Variants in AAK1 observed in about 807,000 individuals in gnomAD.
AAK1 encodes the protein AP2 associated kinase 1.
In AAK1, 37 loss-of-function variants were observed where a neutral mutation model predicts 116.0. That is an observed-to-expected ratio of 0.32 (90% CI 0.25 to 0.42). The LOEUF is 0.42. AAK1 is among the 10% of genes least tolerant of loss of function. The pLI, the probability that AAK1 is intolerant of heterozygous loss-of-function variation, is 1.00. For synonymous variants in AAK1, 458 were observed against 439.9 expected (o/e 1.04, Z -0.51); for missense variants, 919 against 1,170.6 (o/e 0.79, Z 3.14).
chr2:69,557,354 T>C (rs1558959694), intron 2 of AAK1, among the ~76,000 whole-genome samples: 1 of 151,412 alleles, frequency 6.6e-6, no homozygotes, highest in East Asian at 1.9e-4. Context: ...CAGACTGGCA[T>C]GAAGTGGCGT....
At chr2:69,548,531 T>G (rs1003966349) in intron 3 of AAK1, among the ~76,000 whole-genome samples, 4 of 151,224 alleles carry the variant, frequency 2.6e-5, no homozygotes, top group African/African-American at 9.7e-5. Context: ...TCCTTCTTTC[T>G]CTCTCTCTTC....
intron 5 of AAK1, among the ~76,000 whole-genome samples, chr2:69,539,031 C>T (rs1670593836): frequency 6.6e-6 from 1 of 152,206 alleles, no homozygotes; most frequent in Admixed American, 6.5e-5. Context: ...GGGATGTGCG[C>T]CTAGAGATTG....
rs1223137105 is a variant in AAK1, at chr2:69,473,224, C to T, written c.*2645G>A. On this transcript the variant is annotated 3_prime_UTR_variant, in exon 22 of 22. Transcript: ENST00000409085. ...GGCCTGTCCTGCCCAGGCCTCTTCT[C>T]CCCCGACCCTGTTCAATCCAGCTCA... The T allele has an allele frequency of 5.7e-5, 51 of 901,712 alleles. No individual in the cohort carries two copies. The highest frequency in any genetic ancestry group is 6.8e-5 in the Non-Finnish European group (51 of 753,706). 55.9% of individuals were successfully genotyped at this position (901,712 alleles called of 1,614,324 possible).
chr2:69,568,560 G>T (rs1301624557), intron 2 of AAK1, among the ~76,000 whole-genome samples: 2 of 151,284 alleles, frequency 1.3e-5, no homozygotes, highest in Non-Finnish European at 2.9e-5. Flanking sequence ...CTTCCCAAGT[G>T]GCTGAGACTA....
chr2:69,587,314 T>C lies in AAK1; in HGVS notation c.164-30336A>G, dbSNP rs553170663. Among the ~76,000 whole-genome samples the C allele has an allele frequency of 4.7e-5, 7 of 150,090 alleles. No homozygotes were observed. The East Asian group carries it at 1.4e-3, about 30-fold the overall frequency. On this transcript the variant is annotated intron_variant, in intron 2 of 21. Coordinates refer to ENST00000409085, the MANE Select transcript of AAK1 (RefSeq NM_014911.5). ...ACACACGTATATACGCATGTATATA[T>C]ACGCACATATATACACATATGCGTG... is the stretch of plus-strand genomic sequence containing the variant.
rs1278380274 is a variant in AAK1, at chr2:69,471,222, G to C, written c.*4647C>G. 4 of 985,268 alleles carry C rather than the reference G, an allele frequency of 4.1e-6. No homozygotes were observed. In the East Asian group the frequency reaches 3.4e-4, roughly 84 times the overall value. The allele number at this position is 985,268 out of a possible 1,614,324, so 61.0% of individuals were successfully genotyped here. On this transcript the variant is annotated 3_prime_UTR_variant, in exon 22 of 22. Coordinates refer to ENST00000409085, the MANE Select transcript of AAK1 (RefSeq NM_014911.5). ...AACCAAGAACGTGTCTTTAATTCTAGCAACTACCACCATTTGGTAACTTCT... is the reference window on the plus strand; with the variant it reads ...AACCAAGAACGTGTCTTTAATTCTACCAACTACCACCATTTGGTAACTTCT...
intron 2 of AAK1, among the ~76,000 whole-genome samples, chr2:69,633,418 T>C (rs1675297412): frequency 6.6e-6 from 1 of 151,286 alleles, no homozygotes; most frequent in African/African-American, 2.4e-5. Context: ...CTGGTCAACA[T>C]GGTGAAACCC....
intron 12 of AAK1, 53 bp from the exon 13 acceptor site, chr2:69,514,802 A>C: frequency 6.7e-7 from 1 of 1,489,888 alleles, no homozygotes; most frequent in Non-Finnish European, 8.9e-7. Flanking sequence ...TAATAGTCAC[A>C]AAAGACAAAT....
intron 5 of AAK1, among the ~76,000 whole-genome samples, chr2:69,537,615 C>G (rs922348997): frequency 1.7e-4 from 26 of 152,314 alleles, no homozygotes; most frequent in Non-Finnish European, 3.4e-4. Context: ...ACTCTTTGGC[C>G]CTGACTACTG....
intron 2 of AAK1, among the ~76,000 whole-genome samples, chr2:69,629,312 GA>G (rs1164129352): frequency 2.6e-5 from 4 of 152,188 alleles, no homozygotes; most frequent in Admixed American, 6.5e-5. Flanking sequence ...GCTTAAAGAT[GA>G]ATTTCAGTAA....
chr2:69,637,151 TTC>T (rs1675484378), intron 2 of AAK1, among the ~76,000 whole-genome samples: 1 of 152,240 alleles, frequency 6.6e-6, no homozygotes, highest in Non-Finnish European at 1.5e-5. Context: ...GGCCATGTTA[TTC>T]TCTCTGCCTA....
At chr2:69,594,630 CAA>C (rs1673182557) in intron 2 of AAK1, 1 of 524,058 alleles carries the variant, frequency 1.9e-6, no homozygotes, top group Non-Finnish European at 3.4e-6. Context: ...CCTCTTGTAC[CAA>C]ACAGTTAGCC....
At chr2:69,575,464 ATTTT>A (rs947872572) in intron 2 of AAK1, among the ~76,000 whole-genome samples, 4 of 134,398 alleles carry the variant, frequency 3.0e-5, no homozygotes, top group African/African-American at 8.4e-5. Context: ...AGATAAACAA[ATTTT>A]TTTTTTTTTT....
intron 2 of AAK1, 109 bp from the exon 3 acceptor site, chr2:69,557,087 C>T: frequency 2.7e-6 from 2 of 743,380 alleles, no homozygotes; most frequent in Non-Finnish European, 4.7e-6. Context: ...ACTAATGCCA[C>T]TGCCAGCCAG....
chr2:69,622,253 T>G (rs1421633556), intron 2 of AAK1, among the ~76,000 whole-genome samples: 1 of 152,188 alleles, frequency 6.6e-6, no homozygotes, highest in Non-Finnish European at 1.5e-5. Context: ...TGGCCGGGCC[T>G]TAGCTGCCTC....
rs1288732136 is a variant in AAK1, at chr2:69,509,336, C to T, written c.1901G>A (p.Arg634His). Residue 634 changes from arginine to histidine, a missense_variant, in exon 14 of 22, where the codon CGT (arginine) becomes CAT (histidine). By Grantham distance (29) the Arg-to-His change is conservative. Transcript: ENST00000409085. Reference protein sequence around the residue: ...SPKTQRAGHRRILSDVTHSAV... With the variant: ...SPKTQRAGHRHILSDVTHSAV... ...ACTGTGGGTTACGTCACTGAGAATA[C>T]GCCTGTGCCCAGCACGTTGGGTTTT... 4 of 1,613,916 alleles carry T rather than the reference C, an allele frequency of 2.5e-6. No individual in the cohort carries two copies. The highest frequency in any genetic ancestry group is 1.7e-5 in the Admixed American group (1 of 60,026).
In AAK1 at chr2:69,472,611, G is replaced by C. The variant is rs560017185; in HGVS notation, c.*3258C>G. ...TGTCCACTTAAGCCTTATCTCCTCT[G>C]AGGTATGTATTTTTGAAAACATTGG... On this transcript the variant is annotated 3_prime_UTR_variant, in exon 22 of 22. Transcript: ENST00000409085. The C allele has an allele frequency of 5.4e-5, 53 of 985,122 alleles. 1 individual carries two copies. In the African/African-American group the frequency reaches 9.1e-4, roughly 17 times the overall value. 61.0% of individuals were successfully genotyped at this position (985,122 alleles called of 1,614,324 possible). A position where few individuals can be genotyped will look rare whatever the true frequency, so the allele number is the denominator to read the frequency against.
intron 5 of AAK1, among the ~76,000 whole-genome samples, chr2:69,541,225 TTC>T (rs1670704419): frequency 6.9e-6 from 1 of 145,926 alleles, no homozygotes; most frequent in East Asian, 1.9e-4. Flanking sequence ...AATTTTATAC[TTC>T]TTTTTTTTTT....
In AAK1 at chr2:69,467,942, A is replaced by G; in HGVS notation, c.*7927T>C. On this transcript the variant is annotated 3_prime_UTR_variant, in exon 22 of 22. Coordinates refer to ENST00000409085, the MANE Select transcript of AAK1 (RefSeq NM_014911.5). ...TTTTTAGCAGTGCTTCTTTTTAAAC[A>G]GTTCTGACCTTAAATATTGTTTTCA... is the stretch of plus-strand genomic sequence containing the variant. 9 of 985,428 alleles carry G rather than the reference A, an allele frequency of 9.1e-6. No homozygotes were observed. Among genetic ancestry groups the G allele is most frequent in the Non-Finnish European group, 1.1e-5 (9 of 829,916 alleles). The allele number at this position is 985,428 out of a possible 1,614,324, so 61.0% of individuals were successfully genotyped here.
Sources: allele counts gnomAD v4.1 joint callset (sites outside exome capture counted in the v4.1 genomes callset), GRCh38; gene constraint gnomAD v4.1.1; transcripts MANE v1.5; gene names NCBI Gene and HGNC (gene_info 2026-07-23, HGNC 2026-07-21).